The following DSCAM variants were observed in gnomAD, a reference collection of about 807,000 sequenced individuals.
DSCAM encodes DS cell adhesion molecule, also known as cell adhesion molecule DSCAM.
In DSCAM, 47 loss-of-function variants were observed where a neutral mutation model predicts 217.7. That is an observed-to-expected ratio of 0.22 (90% CI 0.17 to 0.28). DSCAM has a LOEUF of 0.28. Ranked by LOEUF, DSCAM falls within the 10% of genes least tolerant of loss-of-function variation. The pLI is 1.00. For missense variants in DSCAM, 2,080 were observed against 2,618.3 expected (o/e 0.79, Z 4.49); for synonymous variants, 1,056 against 1,015.3 (o/e 1.04, Z -0.76).
At chr21:40,256,149 C>T (rs189839675) in intron 11 of DSCAM, among the ~76,000 whole-genome samples, 1 of 152,090 alleles carries the variant, frequency 6.6e-6, no homozygotes, top group African/African-American at 2.4e-5. Context: ...TGCAGCATAC[C>T]CTGAAGCATT....
At chr21:40,755,996 T>C (rs1440373600) in intron 1 of DSCAM, among the ~76,000 whole-genome samples, 1 of 152,230 alleles carries the variant, frequency 6.6e-6, no homozygotes, top group Non-Finnish European at 1.5e-5. Context: ...ATTTAGTAAT[T>C]GCTTTATGCA....
chr21:40,372,994 G>A (rs781009911), intron 3 of DSCAM, among the ~76,000 whole-genome samples: 6 of 149,494 alleles, frequency 4.0e-5, no homozygotes, highest in Non-Finnish European at 8.8e-5. Flanking sequence ...TGGGGCATTA[G>A]CCCAGTAGGA....
chr21:40,233,396 C>T (rs2091398882), intron 11 of DSCAM, among the ~76,000 whole-genome samples: 1 of 152,116 alleles, frequency 6.6e-6, no homozygotes, highest in Non-Finnish European at 1.5e-5. Flanking sequence ...ATACTTAAAT[C>T]TGATGAAGAA....
At chr21:40,809,516 G>T (rs191672466) in intron 1 of DSCAM, among the ~76,000 whole-genome samples, 4 of 152,086 alleles carry the variant, frequency 2.6e-5, no homozygotes, top group Non-Finnish European at 4.4e-5. Context: ...GTAAATTATC[G>T]CTCAATAAAG....
intron 3 of DSCAM, among the ~76,000 whole-genome samples, chr21:40,536,454 T>A (rs1251336592): frequency 6.9e-6 from 1 of 145,724 alleles, no homozygotes; most frequent in Non-Finnish European, 1.5e-5. Flanking sequence ...CAGGCTGGAG[T>A]GCAGTGGCGC....
intron 3 of DSCAM, among the ~76,000 whole-genome samples, chr21:40,472,303 T>C (rs2075895675): frequency 6.6e-6 from 1 of 152,216 alleles, no homozygotes; most frequent in African/African-American, 2.4e-5. Flanking sequence ...CATTTTAAAA[T>C]ACGTGTTCTG....
chr21:40,561,751 C>T lies in DSCAM; in HGVS notation c.508+131059G>A, dbSNP rs537278240. ...TTTCATGAAACAATAATGACGAGAC[C>T]GAGTGAACTAAGCTGTCTTCAGTTT... is the stretch of plus-strand genomic sequence containing the variant. On this transcript the variant is annotated intron_variant, in intron 3 of 32. Coordinates refer to ENST00000400454, the MANE Select transcript of DSCAM (RefSeq NM_001389.5). 3.1e-4 allele frequency among the ~76,000 whole-genome samples: 47 copies of T among 151,690 alleles called. 1 individual carries two copies. In the South Asian group the frequency reaches 8.4e-3, roughly 27 times the overall value.
At chr21:40,486,164 C>G (rs933670915) in intron 3 of DSCAM, among the ~76,000 whole-genome samples, 7 of 152,216 alleles carry the variant, frequency 4.6e-5, no homozygotes, top group Non-Finnish European at 5.9e-5. Flanking sequence ...CCTATCCACT[C>G]AGTTGCTAGT....
At chr21:40,836,745 C>T (rs371419634) in intron 1 of DSCAM, among the ~76,000 whole-genome samples, 8 of 152,234 alleles carry the variant, frequency 5.3e-5, no homozygotes, top group African/African-American at 1.9e-4. Context: ...ATTCACAGGT[C>T]GTGCATACAC....
intron 17 of DSCAM, among the ~76,000 whole-genome samples, chr21:40,143,877 A>G (rs952040527): frequency 1.3e-5 from 2 of 152,252 alleles, no homozygotes; most frequent in African/African-American, 2.4e-5. Flanking sequence ...ACTTATTGCT[A>G]CAAATAACCC....
chr21:40,734,128 T>C (rs1233740608), intron 1 of DSCAM, among the ~76,000 whole-genome samples: 1 of 152,134 alleles, frequency 6.6e-6, no homozygotes, highest in Admixed American at 6.5e-5. Flanking sequence ...TAGATGTGCA[T>C]TAGATGCGAT....
chr21:40,606,314 C>T (rs1271209794), intron 3 of DSCAM, among the ~76,000 whole-genome samples: 1 of 152,096 alleles, frequency 6.6e-6, no homozygotes, highest in Non-Finnish European at 1.5e-5. Flanking sequence ...GAGTGAAGAG[C>T]ACCAAAGCCA....
intron 3 of DSCAM, among the ~76,000 whole-genome samples, chr21:40,605,545 A>G (rs1291697555): frequency 2.6e-5 from 4 of 152,134 alleles, no homozygotes; most frequent in Non-Finnish European, 5.9e-5. Context: ...GTCCTATTGT[A>G]ATATGAAAGT....
At chr21:40,218,483 T>A (rs866919711) in intron 11 of DSCAM, among the ~76,000 whole-genome samples, 3 of 152,204 alleles carry the variant, frequency 2.0e-5, no homozygotes, top group African/African-American at 7.2e-5. Flanking sequence ...AGGCCCTTTT[T>A]TTGGTTCCAT....
intron 9 of DSCAM, among the ~76,000 whole-genome samples, 166 bp downstream of exon 9, chr21:40,311,914 TG>T (rs1230119339): frequency 1.3e-5 from 2 of 149,236 alleles, no homozygotes; most frequent in African/African-American, 4.9e-5. Context: ...GGGGAATTCA[TG>T]GTTGGGTTTA....
At chr21:40,366,116 A>T (rs116287018) in intron 4 of DSCAM, among the ~76,000 whole-genome samples, 1 of 152,028 alleles carries the variant, frequency 6.6e-6, no homozygotes, top group Non-Finnish European at 1.5e-5. Flanking sequence ...ACTATGTTGC[A>T]TGTTGACCAT....
chr21:40,566,106 CAT>C (rs2146195200), intron 3 of DSCAM, among the ~76,000 whole-genome samples: 1 of 152,280 alleles, frequency 6.6e-6, no homozygotes, highest in Admixed American at 6.5e-5. Flanking sequence ...TCCTCTTTCA[CAT>C]ATATTATTAT....
chr21:40,692,719 G>A, intron 3 of DSCAM, 91 bp downstream of exon 3: 1 of 1,424,992 alleles, frequency 7.0e-7, no homozygotes, highest in Non-Finnish European at 9.6e-7. Context: ...GAATTATGAT[G>A]AACACATAAA....
intron 11 of DSCAM, among the ~76,000 whole-genome samples, chr21:40,239,956 A>C (rs1281109505): frequency 7.9e-5 from 12 of 152,162 alleles, no homozygotes; most frequent in Non-Finnish European, 1.5e-5. Flanking sequence ...AGGTCCTGGC[A>C]GGAACACTGG....
Sources: allele counts gnomAD v4.1 joint callset (sites outside exome capture counted in the v4.1 genomes callset), GRCh38; gene constraint gnomAD v4.1.1; transcripts MANE v1.5; gene names NCBI Gene and HGNC (gene_info 2026-07-23, HGNC 2026-07-21).